The following ATE1 variants were observed in gnomAD, a reference collection of about 807,000 sequenced individuals.
ATE1 encodes arginyltransferase 1.
ATE1 carries 36 observed loss-of-function variants against 70.5 expected under a neutral mutation model. That is an observed-to-expected ratio of 0.51 (90% confidence interval 0.39 to 0.67). The LOEUF (loss-of-function observed/expected upper bound fraction) is 0.67, where lower values mean the gene tolerates loss of function less well. Among genes scored for constraint, ATE1 ranks in the 30% least tolerant of loss-of-function variants. The pLI is 0.00. For synonymous variants in ATE1, 232 were observed against 219.3 expected, an observed-to-expected ratio of 1.06 and a Z score of -0.51; for missense variants, 593 against 629.5, an observed-to-expected ratio of 0.94 and a Z score of 0.62.
intron 7 of ATE1, chr10:121,898,719 G>T: frequency 3.4e-6 from 4 of 1,164,214 alleles, no homozygotes; most frequent in Non-Finnish European, 4.8e-6. Flanking sequence ...TCATGTGAGT[G>T]TTCACAGAAG....
chr10:121,914,505 A>G (rs546563551), intron 3 of ATE1, among the ~76,000 whole-genome samples: 1 of 152,192 alleles, frequency 6.6e-6, no homozygotes, highest in South Asian at 2.1e-4. Context: ...CTAGGCCAAC[A>G]GTGGAAAAAA....
chr10:121,763,312 G>A (rs1945133322), intron 11 of ATE1, among the ~76,000 whole-genome samples: 1 of 152,114 alleles, frequency 6.6e-6, no homozygotes. Context: ...CACAAAAAAT[G>A]TTTACAGCAG....
At chr10:121,824,092 A>T (rs1947910742) in intron 10 of ATE1, among the ~76,000 whole-genome samples, 1 of 152,210 alleles carries the variant, frequency 6.6e-6, no homozygotes. Context: ...TGTGATGACC[A>T]TGAGAATTCT....
intron 10 of ATE1, among the ~76,000 whole-genome samples, chr10:121,830,269 T>C (rs1948185701): frequency 6.6e-6 from 1 of 152,142 alleles, no homozygotes; most frequent in Non-Finnish European, 1.5e-5. Context: ...GTTTGGATCA[T>C]GGGAGAACTG....
chr10:121,880,137 A>G (rs1472346670), intron 7 of ATE1, among the ~76,000 whole-genome samples: 1 of 152,206 alleles, frequency 6.6e-6, no homozygotes, highest in Non-Finnish European at 1.5e-5. Flanking sequence ...GTTATTAGCT[A>G]TTTGATTATT....
In ATE1 at chr10:121,913,867, G is replaced by C; in HGVS notation, c.260C>G (p.Ser87Ter). Reference sequence around the variant, plus strand: ...TTTCAAAACCTTCTTGTGAGATTTTGAAGGCTGAAATTGTAAAGGTCGGCA... The same window carrying C: ...TTTCAAAACCTTCTTGTGAGATTTTCAAGGCTGAAATTGTAAAGGTCGGCA... ...IRCRPLQFQP[S>*]KSHKKVLKKM... Residue 87 changes from serine to a stop codon, truncating the protein, a stop_gained, in exon 4 of 12, where the codon TCA becomes TGA. Transcript: ENST00000224652. LOFTEE classifies it high-confidence loss of function. The C allele has an allele frequency of 6.2e-7, 1 of 1,612,332 alleles. No individual in the cohort carries two copies. Among genetic ancestry groups the C allele is most frequent in the Non-Finnish European group, 8.5e-7 (1 of 1,178,828 alleles).
At chr10:121,927,332 T>C (rs1359584138) in intron 1 of ATE1, 7 of 984,834 alleles carry the variant, frequency 7.1e-6, no homozygotes, top group African/African-American at 1.7e-5. Context: ...TTGTCCTTTT[T>C]TTTTTTAACT....
At chr10:121,918,410 G>A (rs978567577) in intron 3 of ATE1, among the ~76,000 whole-genome samples, 1 of 151,622 alleles carries the variant, frequency 6.6e-6, no homozygotes, top group African/African-American at 2.4e-5. Context: ...CACGTAAAAT[G>A]CAAAAATCAC....
chr10:121,758,636 G>T (rs989416068), intron 11 of ATE1, among the ~76,000 whole-genome samples: 1 of 150,966 alleles, frequency 6.6e-6, no homozygotes, highest in Non-Finnish European at 1.5e-5. Flanking sequence ...GATATTGAGG[G>T]TTTGTTTGTT....
chr10:121,876,007 C>T (rs1386637814), intron 7 of ATE1, among the ~76,000 whole-genome samples: 1 of 152,208 alleles, frequency 6.6e-6, no homozygotes, highest in South Asian at 2.1e-4. Context: ...TTTCCCCAAT[C>T]TGTGCTTACT....
Position 121,901,969 on chromosome 10 carries a change from T to A in ATE1, c.813+422A>T, listed in dbSNP as rs143377085. The stretch of plus-strand genomic sequence containing the variant: ...CTGCTGGCTTATGTATATGACACCA[T>A]TTGCTGTCTTTACCAAGATCAGAAT... On this transcript the variant is annotated intron_variant, in intron 6 of 11. Coordinates refer to ENST00000224652, the MANE Select transcript of ATE1 (RefSeq NM_001001976.3). Among the ~76,000 whole-genome samples the A allele has an allele frequency of 2.0e-3, 312 of 152,284 alleles. 2 individuals are homozygous for A. The highest frequency in any genetic ancestry group is 7.2e-3 in the African/African-American group (298 of 41,570).
At chr10:121,922,039 C>A (rs1951902368) in intron 3 of ATE1, among the ~76,000 whole-genome samples, 1 of 152,120 alleles carries the variant, frequency 6.6e-6, no homozygotes, top group Admixed American at 6.6e-5. Context: ...TATTTAATAT[C>A]CAAAAGTAAT....
In ATE1 at chr10:121,825,317, GAC is replaced by G. The variant is rs1464572365; in HGVS notation, c.1257+11399_1257+11400del. On this transcript the variant is annotated intron_variant, in intron 10 of 11. Transcript: ENST00000224652. Reference sequence around the variant, plus strand: ...TTCCAACAATACAGGTTACAAATATGACACACAGACAGAAATGTTTAAACCAA... The same window carrying G: ...TTCCAACAATACAGGTTACAAATATGACACAGACAGAAATGTTTAAACCAA... 5.3e-5 allele frequency among the ~76,000 whole-genome samples: 8 copies of G among 152,280 alleles called. No homozygotes were observed. The East Asian group carries it at 1.5e-3, about 29-fold the overall frequency.
At chr10:121,888,185 G>C (rs944487214) in intron 7 of ATE1, among the ~76,000 whole-genome samples, 2 of 152,174 alleles carry the variant, frequency 1.3e-5, no homozygotes, top group Admixed American at 6.5e-5. Flanking sequence ...CCAAGGTCAG[G>C]AGATCGAGAC....
At chr10:121,768,644 CCAAT>C (rs1945375287) in intron 11 of ATE1, among the ~76,000 whole-genome samples, 1 of 152,136 alleles carries the variant, frequency 6.6e-6, no homozygotes, top group Non-Finnish European at 1.5e-5. Context: ...CTGTCATTCA[CCAAT>C]CAGAGATTGC....
intron 11 of ATE1, among the ~76,000 whole-genome samples, chr10:121,759,939 T>C (rs1944970551): frequency 6.6e-6 from 1 of 152,188 alleles, no homozygotes; most frequent in African/African-American, 2.4e-5. Flanking sequence ...TCATTAATCA[T>C]ACTGAAAACA....
At position 121,902,454 on chromosome 10, in the gene ATE1, C is replaced by G. The variant is rs890955623; in HGVS notation, c.750G>C (p.Gln250His). ...SLFPPKAKSN[Q>H]PKSLEDLIFE... ...AAATTAAATCTTCGAGTGATTTTGGCTGGTTGGATTTAGCCTTTGGTGGAA... is the reference window on the plus strand; with the variant it reads ...AAATTAAATCTTCGAGTGATTTTGGGTGGTTGGATTTAGCCTTTGGTGGAA... Residue 250 changes from glutamine to histidine, a missense_variant, in exon 6 of 12, where the codon CAG (glutamine) becomes CAC (histidine). Around this residue, in one of 3 missense-constraint regions of ATE1, gnomAD observed 467 missense variants for 469.6 expected, o/e 0.99. Transcript: ENST00000224652. The G allele has an allele frequency of 9.3e-6, 15 of 1,614,160 alleles. No homozygotes were observed. Among genetic ancestry groups the G allele is most frequent in the Non-Finnish European group, 1.3e-5 (15 of 1,180,036 alleles).
chr10:121,766,981 G>C (rs181817713), intron 11 of ATE1, among the ~76,000 whole-genome samples: 1 of 152,224 alleles, frequency 6.6e-6, no homozygotes, highest in East Asian at 1.9e-4. Context: ...CAAAAAGACA[G>C]AACCAAAAAC....
intron 3 of ATE1, among the ~76,000 whole-genome samples, chr10:121,918,262 G>A (rs1198193861): frequency 1.3e-5 from 2 of 151,994 alleles, no homozygotes; most frequent in Non-Finnish European, 2.9e-5. Flanking sequence ...GAACCTGGGA[G>A]GCGGAGGTTT....
Sources: allele counts gnomAD v4.1 joint callset (sites outside exome capture counted in the v4.1 genomes callset), GRCh38; gene constraint gnomAD v4.1.1; regional missense constraint gnomAD v4.1.1; transcripts MANE v1.5; gene names NCBI Gene and HGNC (gene_info 2026-07-23, HGNC 2026-07-21).